FAM221A: variants seen among roughly 807,000 people sequenced by gnomAD.
FAM221A encodes family with sequence similarity 221 member A.
A neutral mutation model predicts 37.6 loss-of-function variants in FAM221A; 43 were observed. That is an observed-to-expected ratio of 1.15 (90% CI 0.90 to 1.48). FAM221A has a LOEUF of 1.48. FAM221A is among the 40% of genes most tolerant of loss of function. The pLI is 0.00. For synonymous variants in FAM221A, 135 were observed against 132.9 expected, an observed-to-expected ratio of 1.02 and a Z score of -0.11; for missense variants, 361 against 361.5, an observed-to-expected ratio of 1.00 and a Z score of 0.01.
intron 5 of FAM221A, among the ~76,000 whole-genome samples, chr7:23,698,567 T>C (rs773356871): frequency 6.6e-6 from 1 of 152,222 alleles, no homozygotes; most frequent in African/African-American, 2.4e-5. Flanking sequence ...TGGTACATGC[T>C]GTTGCTCTGG....
In FAM221A at chr7:23,680,256, C is replaced by T; in HGVS notation, c.38C>T (p.Ala13Val). 4 of 1,548,616 alleles carry T rather than the reference C, an allele frequency of 2.6e-6. No individual in the cohort carries two copies. Among genetic ancestry groups the T allele is most frequent in the Non-Finnish European group, 3.5e-6 (4 of 1,145,882 alleles). ...ACGTTGCCTCTCGGCGGCGCGGCGG[C>T]GGTGGACGAGTACCTGGAGTACCGG... is the stretch of plus-strand genomic sequence containing the variant. ...RLTLPLGGAAAVDEYLEYRRI... is the reference protein window; with the variant it reads ...RLTLPLGGAAVVDEYLEYRRI... Residue 13 changes from alanine to valine, a missense_variant, in exon 1 of 7, where the codon GCG (alanine) becomes GTG (valine). By Grantham distance (64) the Ala-to-Val change is moderately conservative. Transcript: ENST00000344962.
intron 6 of FAM221A, 63 bp from the exon 7 acceptor site, chr7:23,702,033 C>T: frequency 8.6e-7 from 1 of 1,165,012 alleles, no homozygotes; most frequent in Non-Finnish European, 1.2e-6. Flanking sequence ...GAGTTTTCTG[C>T]AAGTTTTTTT....
intron 1 of FAM221A, among the ~76,000 whole-genome samples, chr7:23,682,834 CT>C (rs1784137095): frequency 1.3e-5 from 2 of 152,114 alleles, no homozygotes; most frequent in Non-Finnish European, 2.9e-5. Context: ...TTTAAAAGAT[CT>C]TTTAAAGATC....
chr7:23,682,371 A>ATGTG (rs10533703), intron 1 of FAM221A, among the ~76,000 whole-genome samples: 1,442 of 138,106 alleles, frequency 0.01, 23 homozygotes, highest in African/African-American at 0.036. Flanking sequence ...TGGCTTTATC[A>ATGTG]TGTGTGTGTG....
chr7:23,693,063 C>G (rs977888309), intron 4 of FAM221A: 15 of 152,188 alleles, frequency 9.9e-5, no homozygotes, highest in African/African-American at 3.6e-4. Flanking sequence ...GTATTCCACA[C>G]TGTAGATAAA....
At chr7:23,689,175 T>C in intron 2 of FAM221A, 94 bp from the exon 3 acceptor site, 1 of 805,666 alleles carries the variant, frequency 1.2e-6, no homozygotes, top group Non-Finnish European at 1.8e-6. Flanking sequence ...CAATAATAAT[T>C]AAAAAATCAT....
chr7:23,694,386 G>A (rs1784927603), intron 4 of FAM221A: 1 of 152,052 alleles, frequency 6.6e-6, no homozygotes, highest in Non-Finnish European at 1.5e-5. Context: ...TGATATTTTT[G>A]TGCATTTTCT....
intron 1 of FAM221A, among the ~76,000 whole-genome samples, chr7:23,683,406 A>G (rs778036327): frequency 5.9e-5 from 9 of 152,216 alleles, no homozygotes; most frequent in Non-Finnish European, 1.0e-4. Flanking sequence ...GCATTAGTTT[A>G]AACCCCTGGC....
chr7:23,692,740 G>C (rs759253644), intron 4 of FAM221A: 7 of 981,444 alleles, frequency 7.1e-6, no homozygotes, highest in Non-Finnish European at 8.5e-6. Flanking sequence ...ACTTCTCTTT[G>C]TCTAATTCTT....
At chr7:23,687,619 A>G (rs193024439) in intron 2 of FAM221A, 1 of 151,266 alleles carries the variant, frequency 6.6e-6, no homozygotes, top group East Asian at 1.9e-4. Flanking sequence ...ATTATTAAAT[A>G]GAATTTGTTC....
Position 23,684,235 on chromosome 7 carries a change from G to T in FAM221A, c.66-264G>T, listed in dbSNP as rs190202090. ...TGTCATGCTTCGAGGCCCAGGAAAG[G>T]CCTGGGCAAACGCTCGGTGGGCTTT... is the stretch of plus-strand genomic sequence containing the variant. On this transcript the variant is annotated intron_variant, in intron 1 of 6. Transcript: ENST00000344962. Among the ~76,000 whole-genome samples, 30 of 152,240 alleles carry T rather than the reference G, an allele frequency of 2.0e-4. No individual in the cohort carries two copies. In the East Asian group the frequency reaches 5.6e-3, roughly 28 times the overall value.
At chr7:23,701,867 C>T (rs1270233617) in intron 6 of FAM221A, among the ~76,000 whole-genome samples, 1 of 152,130 alleles carries the variant, frequency 6.6e-6, no homozygotes, top group Non-Finnish European at 1.5e-5. Context: ...AAATTGTTTT[C>T]TCTAAAGCAA....
intron 1 of FAM221A, among the ~76,000 whole-genome samples, chr7:23,681,970 A>G (rs1369061208): frequency 6.6e-6 from 1 of 152,146 alleles, no homozygotes; most frequent in African/African-American, 2.4e-5. Flanking sequence ...GAGGGGAAGC[A>G]TGCAGCCTTG....
rs2128041108 is a variant in FAM221A, at chr7:23,689,447, A to G, written c.418A>G (p.Thr140Ala). 2 of 1,557,858 alleles carry G rather than the reference A, an allele frequency of 1.3e-6. No homozygotes were observed. The highest frequency in any genetic ancestry group is 1.8e-6 in the Non-Finnish European group (2 of 1,137,968). ...ADQHSAAPGFTCNTCSKCSGF... is the reference protein window; with the variant it reads ...ADQHSAAPGFACNTCSKCSGF... ...TCAGCACAGTGCTGCGCCTGGCTTT[A>G]CATGCAATACATGTGAGTTATATTA... Residue 140 changes from threonine (T) to alanine (A), a missense_variant, in exon 3 of 7, where the codon ACA becomes GCA. By Grantham distance (58) the Thr-to-Ala change is moderately conservative (BLOSUM62 0). Coordinates refer to ENST00000344962, the MANE Select transcript of FAM221A (RefSeq NM_199136.5).
At chr7:23,692,238 TC>T (rs1459262097) in intron 4 of FAM221A, 78 of 930,158 alleles carry the variant, frequency 8.4e-5, no homozygotes, top group Non-Finnish European at 9.2e-5. Flanking sequence ...GTGTTCCCTG[TC>T]TACTTGAAAC....
At chr7:23,688,679 C>T (rs1784517680) in intron 2 of FAM221A, 1 of 150,932 alleles carries the variant, frequency 6.6e-6, no homozygotes, top group Non-Finnish European at 1.5e-5. Context: ...TCTTGTTGCC[C>T]AGGGTGGAGT....
chr7:23,690,199 A>ATATATATATATATTTTTT (rs774313037), intron 3 of FAM221A, among the ~76,000 whole-genome samples: 8 of 48,736 alleles, frequency 1.6e-4, no homozygotes, highest in Admixed American at 5.9e-4. Context: ...ATATATATAT[A>ATATATATATATATTTTTT]TTTTTTTTTT....
chr7:23,691,268 T>C lies in FAM221A; in HGVS notation c.431-122T>C, dbSNP rs1784726197. ...AGTGGCTAGGAAGGAGTTCGGTGGC[T>C]GGAGGTAAGAGTTACAGGGGCCAGA... On this transcript the variant is annotated intron_variant, in intron 3 of 6. Coordinates refer to ENST00000344962, the MANE Select transcript of FAM221A (RefSeq NM_199136.5). 3 of 801,654 alleles carry C rather than the reference T, an allele frequency of 3.7e-6. No homozygotes were observed. The Admixed American group carries it at 6.8e-5, about 18-fold the overall frequency. The allele number at this position is 801,654 out of a possible 1,614,324, so 49.7% of individuals were successfully genotyped here. A position where few individuals can be genotyped will look rare whatever the true frequency, so the allele number is the denominator to read the frequency against.
intron 1 of FAM221A, 66 bp downstream of exon 1, chr7:23,680,349 C>G: frequency 7.3e-7 from 1 of 1,364,400 alleles, no homozygotes; most frequent in Non-Finnish European, 9.9e-7. Flanking sequence ...GGGCTGGGGG[C>G]GCGAGCAGGG....
Sources: gnomAD v4.1 joint callset for allele counts (sites outside exome capture counted in the v4.1 genomes callset) on GRCh38, gnomAD v4.1.1 for gene constraint, MANE v1.5 for transcripts, NCBI Gene and HGNC (gene_info 2026-07-23, HGNC 2026-07-21) for gene names.